NAV3: variants seen among roughly 807,000 people sequenced by gnomAD.
The protein encoded by NAV3 is pore membrane and/or filament interacting like protein 1.
NAV3 carries 87 observed loss-of-function variants against 244.7 expected under a neutral mutation model. The ratio of observed to expected loss-of-function variants is 0.36; its 90% CI spans 0.30 to 0.42. The LOEUF (loss-of-function observed/expected upper bound fraction) is 0.42, where lower values mean the gene tolerates loss of function less well. Ranked by LOEUF, NAV3 falls within the 20% of genes least tolerant of loss-of-function variation. The pLI, the probability that NAV3 is intolerant of heterozygous loss-of-function variation, is 1.00. For missense variants in NAV3, 2,663 were observed against 2,893.3 expected (o/e 0.92, Z 1.83); for synonymous variants, 1,126 against 1,042.2 (o/e 1.08, Z -1.55).
chr12:77,868,501 A>G (rs372324753), intron 1 of NAV3, among the ~76,000 whole-genome samples: 1 of 151,972 alleles, frequency 6.6e-6, no homozygotes, highest in East Asian at 1.9e-4. Flanking sequence ...CGCACCTGCA[A>G]TCCCAGCACT....
At chr12:77,772,428 C>G (rs893525984) in intron 2 of NAV3, among the ~76,000 whole-genome samples, 3 of 152,028 alleles carry the variant, frequency 2.0e-5, no homozygotes, top group African/African-American at 7.2e-5. Flanking sequence ...CTACTGGTCA[C>G]TTTTTTATGA....
intron 23 of NAV3, among the ~76,000 whole-genome samples, chr12:78,164,614 T>C (rs979228057): frequency 1.3e-5 from 2 of 152,090 alleles, no homozygotes; most frequent in Non-Finnish European, 2.9e-5. Flanking sequence ...TCTAAAATTT[T>C]CAAATTATTT....
chr12:77,632,876 A>G (rs997855390), intron 2 of NAV3, among the ~76,000 whole-genome samples: 7 of 152,196 alleles, frequency 4.6e-5, no homozygotes, highest in East Asian at 3.8e-4. Flanking sequence ...GAGATATATC[A>G]TAATTTAAAA....
chr12:78,198,686 A>G lies in NAV3; in HGVS notation c.6518+10A>G. ...TGCATCACAATTTCAGGTAAAGTTA[A>G]GTTGAAGGTTTTTTTGTTTTGTTTT... On this transcript the variant is annotated intron_variant, in intron 36 of 39. Transcript: ENST00000397909. The G allele has an allele frequency of 8.0e-7, 1 of 1,253,622 alleles. No homozygotes were observed. Among genetic ancestry groups the G allele is most frequent in the Non-Finnish European group, 1.1e-6 (1 of 932,256 alleles). The allele number at this position is 1,253,622 out of a possible 1,614,324, so 77.7% of individuals were successfully genotyped here. A position where few individuals can be genotyped will look rare whatever the true frequency, so the allele number is the denominator to read the frequency against.
intron 2 of NAV3, among the ~76,000 whole-genome samples, chr12:77,758,384 C>T (rs1312990237): frequency 6.6e-6 from 1 of 152,050 alleles, no homozygotes; most frequent in African/African-American, 2.4e-5. Flanking sequence ...TTAGTTGGCC[C>T]TTAAGTGGGT....
At position 78,180,937 on chromosome 12, in the gene NAV3, C is replaced by T. The variant is rs757847311; in HGVS notation, c.5584C>T (p.Pro1862Ser). 6.2e-7 allele frequency: 1 copy of T among 1,613,166 alleles called. No homozygotes were observed. Among genetic ancestry groups the T allele is most frequent in the South Asian group, 1.1e-5 (1 of 91,044 alleles). ...LKAETGNTAK[P>S]TRPPSESSSS... Reference sequence around the variant, plus strand: ...GGCAGAAACTGGTAACACAGCTAAGCCTACTCGGCCACCGTCAGAATCCTC... The same window carrying T: ...GGCAGAAACTGGTAACACAGCTAAGTCTACTCGGCCACCGTCAGAATCCTC... Residue 1862 changes from proline to serine, a missense_variant, in exon 30 of 40, where the codon CCT (proline) becomes TCT (serine). By Grantham distance (74) the Pro-to-Ser change is moderately conservative. Coordinates refer to ENST00000397909, the MANE Select transcript of NAV3 (RefSeq NM_001024383.2).
At chr12:77,955,245 A>G (rs1405391009) in intron 3 of NAV3, among the ~76,000 whole-genome samples, 1 of 152,116 alleles carries the variant, frequency 6.6e-6, no homozygotes, top group South Asian at 2.1e-4. Flanking sequence ...TCTCTTAAAG[A>G]TCCCTCAACC....
In NAV3 at chr12:78,211,861, AAAG is replaced by A. The variant is rs1232452529; in HGVS notation, c.*1348_*1350del. 64 of 152,596 alleles carry A rather than the reference AAAG, an allele frequency of 4.2e-4. No individual in the cohort carries two copies. Among genetic ancestry groups the A allele is most frequent in the Admixed American group, 1.2e-3 (18 of 15,266 alleles). The allele number at this position is 152,596 out of a possible 1,614,324, so 9.5% of individuals were successfully genotyped here. On this transcript the variant is annotated 3_prime_UTR_variant, in exon 40 of 40. Transcript: ENST00000397909. ...TGGAAGAGGAAGCGTTTATACTGTA[AAAG>A]AAGGTTAGATTTGCACAGTCTACTG...
At chr12:77,879,937 A>T (rs955176165) in intron 1 of NAV3, among the ~76,000 whole-genome samples, 7 of 152,120 alleles carry the variant, frequency 4.6e-5, no homozygotes, top group African/African-American at 1.4e-4. Context: ...ACATTGGTTA[A>T]ATGACTTAAA....
chr12:77,930,046 C>T (rs1888632379), intron 1 of NAV3, among the ~76,000 whole-genome samples: 1 of 152,022 alleles, frequency 6.6e-6, no homozygotes, highest in Non-Finnish European at 1.5e-5. Flanking sequence ...AAGAGCAGTC[C>T]TATCCCTAGC....
chr12:77,572,037 A>G (rs1868850055), exon 2 of NAV3: 1 of 154,366 alleles, frequency 6.5e-6, no homozygotes, highest in Admixed American at 6.5e-5. Context: ...TTTCCATTCA[A>G]TCAATGGATT....
intron 1 of NAV3, among the ~76,000 whole-genome samples, chr12:77,894,170 G>A (rs1310364716): frequency 6.6e-6 from 1 of 152,046 alleles, no homozygotes; most frequent in East Asian, 1.9e-4. Flanking sequence ...CCCAGCACTT[G>A]CCCAGATCTT....
At chr12:77,603,182 G>A (rs1870517332) in intron 2 of NAV3, among the ~76,000 whole-genome samples, 1 of 151,992 alleles carries the variant, frequency 6.6e-6, no homozygotes, top group Non-Finnish European at 1.5e-5. Context: ...GTGCCCTTAG[G>A]TTTACCCATA....
intron 7 of NAV3, among the ~76,000 whole-genome samples, chr12:78,000,972 G>T (rs1428566420): frequency 6.7e-5 from 1 of 14,832 alleles, no homozygotes; most frequent in Non-Finnish European, 1.6e-4. Flanking sequence ...AGCGAGACTG[G>T]GTCTAAAAAA....
chr12:77,785,312 G>A lies in NAV3; in HGVS notation c.73-155007G>A, dbSNP rs183287573. ...GTTTCCTCTGTCTGTCCTGTACAGG[G>A]TAATAAAGATATTACCCCTTTGGCT... On this transcript the variant is annotated intron_variant, in intron 2 of 8. Transcript: ENST00000550042. 5.9e-3 allele frequency among the ~76,000 whole-genome samples: 901 copies of A among 152,180 alleles called. 10 individuals are homozygous for A. The highest frequency in any genetic ancestry group is 8.1e-3 in the Non-Finnish European group (550 of 67,994).
chr12:78,155,822 C>T (rs2139347301), intron 22 of NAV3, among the ~76,000 whole-genome samples: 1 of 152,042 alleles, frequency 6.6e-6, no homozygotes, highest in Non-Finnish European at 1.5e-5. Flanking sequence ...CTATTCATGT[C>T]TTTGCCCACT....
At chr12:77,845,336 G>A (rs934073869) in intron 1 of NAV3, among the ~76,000 whole-genome samples, 1 of 152,114 alleles carries the variant, frequency 6.6e-6, no homozygotes, top group Non-Finnish European at 1.5e-5. Context: ...TTAGAAGAGA[G>A]GACCATGTGC....
At chr12:78,050,632 G>A in intron 10 of NAV3, 132 bp from the exon 11 acceptor site, 1 of 923,828 alleles carries the variant, frequency 1.1e-6, no homozygotes, top group Non-Finnish European at 1.6e-6. Context: ...AATGAATATA[G>A]AGTTTAGCTT....
Position 78,007,398 on chromosome 12 carries a change from G to A in NAV3, c.1860G>A (p.Gln620=), listed in dbSNP as rs756351122. The A allele has an allele frequency of 2.8e-5, 45 of 1,613,994 alleles. No homozygotes were observed. In the Admixed American group the frequency reaches 7.5e-4, roughly 27 times the overall value. ...GTGCTGTCCAACTCCCTCAACAGCA[G>A]CAACATAGCCACCCGAATACCGCGA... The part of the protein sequence containing the change: ...GNGAVQLPQQ[Q]QHSHPNTATV... Residue 620 remains glutamine (Q), a synonymous_variant, in exon 8 of 40, where the codon CAG becomes CAA. Transcript: ENST00000397909.
Sources: gnomAD v4.1 joint callset for allele counts (sites outside exome capture counted in the v4.1 genomes callset) on GRCh38, gnomAD v4.1.1 for gene constraint, MANE v1.5 for transcripts, NCBI Gene and HGNC (gene_info 2026-07-23, HGNC 2026-07-21) for gene names.